The following EREG variants were observed in gnomAD, a reference collection of about 807,000 sequenced individuals.
EREG encodes the protein epiregulin, also known as proepiregulin.
Under a neutral mutation model 22.4 loss-of-function variants are expected in EREG, and 23 were observed. The ratio of observed to expected loss-of-function variants is 1.03; its 90% confidence interval spans 0.74 to 1.46. The LOEUF (loss-of-function observed/expected upper bound fraction) is 1.46, where lower values mean the gene tolerates loss of function less well. EREG is among the 40% of genes most tolerant of loss of function. The pLI is 0.00. For missense variants in EREG, 226 were observed against 205.9 expected (o/e 1.10, Z -0.60); for synonymous variants, 100 against 75.4 (o/e 1.33, Z -1.69).
At chr4:74,378,794 T>A (rs1166913930) in intron 1 of EREG, among the ~76,000 whole-genome samples, 1 of 152,186 alleles carries the variant, frequency 6.6e-6, no homozygotes, top group Admixed American at 6.5e-5. Flanking sequence ...TTTCACTGAA[T>A]ACACATGATG....
intron 3 of EREG, chr4:74,381,387 A>G: frequency 3.5e-6 from 1 of 284,466 alleles, no homozygotes; most frequent in East Asian, 6.2e-5. Context: ...TGTACACATT[A>G]TTTAGCTCCC....
chr4:74,369,568 T>C (rs922453658), intron 1 of EREG, among the ~76,000 whole-genome samples: 4 of 152,206 alleles, frequency 2.6e-5, no homozygotes, highest in African/African-American at 9.6e-5. Flanking sequence ...ATGTATTCCA[T>C]GGAGATATAT....
rs55702318 is a variant in EREG at position 74,381,011 on chromosome 4, C to T, written c.155-3C>T. On this transcript the variant is annotated splice_region_variant and splice_polypyrimidine_tract_variant and intron_variant, in intron 2 of 4. Coordinates refer to ENST00000244869, the MANE Select transcript of EREG (RefSeq NM_001432.3). ...TATATTCAACTTTCCACTTCTTTTA[C>T]AGTTCAGACAGAAGACAATCCACGT... 1.2e-6 allele frequency: 2 copies of T among 1,609,896 alleles called. No individual in the cohort carries two copies. Among genetic ancestry groups the T allele is most frequent in the Admixed American group, 1.7e-5 (1 of 59,106 alleles).
intron 4 of EREG, among the ~76,000 whole-genome samples, chr4:74,383,575 AG>A (rs1752517137): frequency 6.6e-6 from 1 of 152,172 alleles, no homozygotes; most frequent in South Asian, 2.1e-4. Context: ...TTAGGAGCAA[AG>A]GATGGGAACA....
chr4:74,370,220 TC>T (rs1752267155), intron 1 of EREG, among the ~76,000 whole-genome samples: 1 of 152,194 alleles, frequency 6.6e-6, no homozygotes, highest in African/African-American at 2.4e-5. Context: ...ATTCCTTTTG[TC>T]CTATGGCCCT....
chr4:74,381,587 A>G (rs1752475869), intron 3 of EREG: 1 of 152,308 alleles, frequency 6.6e-6, no homozygotes, highest in Non-Finnish European at 1.5e-5. Flanking sequence ...AGAGGTGCAG[A>G]GCAGGGAGGA....
intron 1 of EREG, among the ~76,000 whole-genome samples, chr4:74,367,853 T>C (rs571122278): frequency 6.6e-6 from 1 of 152,234 alleles, no homozygotes; most frequent in Non-Finnish European, 1.5e-5. Flanking sequence ...AATTGGGGTG[T>C]CTGATTCAGC....
chr4:74,380,798 T>A (rs922834209), intron 2 of EREG, among the ~76,000 whole-genome samples: 1 of 152,236 alleles, frequency 6.6e-6, no homozygotes, highest in Non-Finnish European at 1.5e-5. Flanking sequence ...TCTTCTTTTG[T>A]TTAGTCTGTT....
At chr4:74,375,806 G>T (rs1752371863) in intron 1 of EREG, among the ~76,000 whole-genome samples, 1 of 152,150 alleles carries the variant, frequency 6.6e-6, no homozygotes, top group Admixed American at 6.5e-5. Context: ...TGTGCAGATG[G>T]ACATGACTTA....
chr4:74,376,661 T>TA (rs2110386673), intron 1 of EREG, among the ~76,000 whole-genome samples: 1 of 152,324 alleles, frequency 6.6e-6, no homozygotes, highest in East Asian at 1.9e-4. Context: ...AAGCAGCATT[T>TA]ATATTGTAGA....
intron 3 of EREG, 195 bp from the exon 4 acceptor site, chr4:74,382,450 A>G (rs1560599955): frequency 2.1e-6 from 1 of 480,220 alleles, no homozygotes; most frequent in Non-Finnish European, 3.7e-6. Flanking sequence ...TAATACTACA[A>G]TTTAGTCCAA....
rs1752605184 is a variant in EREG at position 74,388,252 on chromosome 4, TA to T, written c.*3446del. The T allele has an allele frequency of 6.6e-6, 1 of 152,190 alleles. No individual in the cohort carries two copies. Among genetic ancestry groups the T allele is most frequent in the Non-Finnish European group, 1.5e-5 (1 of 68,014 alleles). 9.4% of individuals were successfully genotyped at this position (152,190 alleles called of 1,614,324 possible). On this transcript the variant is annotated 3_prime_UTR_variant, in exon 5 of 5. Transcript: ENST00000244869. ...TGTAGACTTTTGAAAAAAAAGTTTT[TA>T]ATTTGATGCCCAATATATTCTGACC...
intron 4 of EREG, among the ~76,000 whole-genome samples, chr4:74,383,123 T>G (rs1752507309): frequency 6.6e-6 from 1 of 152,226 alleles, no homozygotes; most frequent in Non-Finnish European, 1.5e-5. Flanking sequence ...GCTCTGATAC[T>G]TATTACCTAT....
In EREG at chr4:74,388,685, A is replaced by G. The variant is rs1752616977; in HGVS notation, c.*3877A>G. On this transcript the variant is annotated 3_prime_UTR_variant, in exon 5 of 5. Transcript: ENST00000244869. ...TACAAGATATTATTAATTTTTATTTATTTTTCTTGGGAATTGAAAAAAATT... is the reference window on the plus strand; with the variant it reads ...TACAAGATATTATTAATTTTTATTTGTTTTTCTTGGGAATTGAAAAAAATT... The G allele has an allele frequency of 6.6e-6, 1 of 152,470 alleles. No individual in the cohort carries two copies. The highest frequency in any genetic ancestry group is 1.5e-5 in the Non-Finnish European group (1 of 67,998). 9.4% of individuals were successfully genotyped at this position (152,470 alleles called of 1,614,324 possible).
At chr4:74,373,574 G>A (rs1168992001) in intron 1 of EREG, among the ~76,000 whole-genome samples, 1 of 149,638 alleles carries the variant, frequency 6.7e-6, no homozygotes, top group Non-Finnish European at 1.5e-5. Flanking sequence ...CTGGCAGAAG[G>A]CAAGGTTAGT....
At chr4:74,382,515 C>T (rs1157987759) in intron 3 of EREG, 130 bp from the exon 4 acceptor site, 2 of 664,636 alleles carry the variant, frequency 3.0e-6, no homozygotes, top group Non-Finnish European at 5.1e-6. Flanking sequence ...TTGAAATCCT[C>T]TTTACAATCT....
At chr4:74,378,518 T>C (rs1752420490) in intron 1 of EREG, among the ~76,000 whole-genome samples, 1 of 152,196 alleles carries the variant, frequency 6.6e-6, no homozygotes, top group South Asian at 2.1e-4. Context: ...CCAAAGCAAT[T>C]GCAAGCTGAA....
At chr4:74,380,261 C>T (rs553373228) in intron 2 of EREG, among the ~76,000 whole-genome samples, 104 of 124,462 alleles carry the variant, frequency 8.4e-4, no homozygotes, top group African/African-American at 1.1e-3. Context: ...CAGCCTCCTC[C>T]GCATCATCTT....
chr4:74,381,506 T>G (rs1329302744), intron 3 of EREG: 1 of 154,802 alleles, frequency 6.5e-6, no homozygotes, highest in Non-Finnish European at 1.4e-5. Context: ...AGTATATATA[T>G]TATTAGAAAC....
Sources: allele counts gnomAD v4.1 joint callset (sites outside exome capture counted in the v4.1 genomes callset), GRCh38; gene constraint gnomAD v4.1.1; transcripts MANE v1.5; gene names NCBI Gene and HGNC (gene_info 2026-07-23, HGNC 2026-07-21).